MDGA2: variants seen among roughly 807,000 people sequenced by gnomAD.
MDGA2 encodes the protein MAM domain-containing glycosylphosphatidylinositol anchor protein 2.
MDGA2 carries 40 observed loss-of-function variants against 117.8 expected under a neutral mutation model. The ratio of observed to expected loss-of-function variants is 0.34; its 90% CI spans 0.26 to 0.44. MDGA2 has a LOEUF of 0.44. Ranked by LOEUF, MDGA2 falls within the 20% of genes least tolerant of loss-of-function variation. The pLI is 1.00. For synonymous variants in MDGA2, 452 were observed against 439.0 expected, an observed-to-expected ratio of 1.03 and a Z score of -0.37; for missense variants, 1,123 against 1,250.6, an observed-to-expected ratio of 0.90 and a Z score of 1.54.
rs529528755 is a variant in MDGA2, at chr14:47,240,999, G to C, written c.421-22804C>G. Among the ~76,000 whole-genome samples the C allele has an allele frequency of 4.0e-4, 61 of 151,972 alleles. 2 individuals are homozygous for C. The highest frequency in any genetic ancestry group is 1.4e-3 in the African/African-American group (59 of 41,514). ...GCACATGTGTGATTTTAGAAAATGG[G>C]TTATTTGAAGGAAACTTGCTCCAGA... On this transcript the variant is annotated intron_variant, in intron 2 of 16. Transcript: ENST00000399232.
intron 8 of MDGA2, among the ~76,000 whole-genome samples, chr14:46,998,598 G>T (rs1887387715): frequency 6.6e-6 from 1 of 151,900 alleles, no homozygotes; most frequent in Non-Finnish European, 1.5e-5. Context: ...AAAAGCTCGT[G>T]GAAAGTCTGA....
chr14:47,333,297 C>T (rs1890345381), intron 1 of MDGA2, among the ~76,000 whole-genome samples: 1 of 151,892 alleles, frequency 6.6e-6, no homozygotes, highest in Non-Finnish European at 1.5e-5. Flanking sequence ...GCAGCCTCAT[C>T]GACCTCTGTC....
chr14:47,638,760 A>G (rs768945136), intron 1 of MDGA2, among the ~76,000 whole-genome samples: 1 of 152,178 alleles, frequency 6.6e-6, no homozygotes, highest in Non-Finnish European at 1.5e-5. Context: ...TTAACCCTTT[A>G]TAGTCAAGTC....
At chr14:46,895,255 T>C (rs1159356115) in intron 10 of MDGA2, among the ~76,000 whole-genome samples, 1 of 152,094 alleles carries the variant, frequency 6.6e-6, no homozygotes, top group Non-Finnish European at 1.5e-5. Flanking sequence ...TGATAGTGAG[T>C]GAGTTCTCAC....
At chr14:47,147,352 A>G (rs536776680) in intron 3 of MDGA2, among the ~76,000 whole-genome samples, 2 of 152,272 alleles carry the variant, frequency 1.3e-5, no homozygotes, top group East Asian at 1.9e-4. Context: ...TATCTTACAG[A>G]TCAACACATA....
At chr14:46,851,282 A>C (rs1881045219) in intron 15 of MDGA2, among the ~76,000 whole-genome samples, 1 of 151,838 alleles carries the variant, frequency 6.6e-6, no homozygotes, top group South Asian at 2.1e-4. Context: ...TATACTATGA[A>C]AGAAGTAAAG....
chr14:47,560,581 T>C (rs759183427), intron 1 of MDGA2, among the ~76,000 whole-genome samples: 1 of 152,190 alleles, frequency 6.6e-6, no homozygotes, highest in Non-Finnish European at 1.5e-5. Context: ...ATTTGCTTTG[T>C]AAAGTTGCTT....
chr14:46,901,551 T>G (rs1883287020), intron 10 of MDGA2, among the ~76,000 whole-genome samples: 1 of 152,204 alleles, frequency 6.6e-6, no homozygotes. Context: ...ATTCATTTAT[T>G]CAGCAAATAT....
At chr14:47,289,771 C>T (rs1888816990) in intron 2 of MDGA2, among the ~76,000 whole-genome samples, 1 of 152,098 alleles carries the variant, frequency 6.6e-6, no homozygotes. Context: ...TGTAGTAAAA[C>T]AATGGTTCTG....
At chr14:47,318,801 G>A (rs72683848) in intron 1 of MDGA2, among the ~76,000 whole-genome samples, 13,591 of 146,358 alleles carry the variant, frequency 0.093, 755 homozygotes, top group Non-Finnish European at 0.11. Context: ...AGGGGGGAAA[G>A]GGAGGAAAGA....
chr14:47,282,050 G>GGAA (rs1566718348), intron 2 of MDGA2, among the ~76,000 whole-genome samples: 1 of 124,226 alleles, frequency 8.0e-6, no homozygotes. Context: ...TCCGTCTCGG[G>GGAA]AAAAAAAAAA....
At chr14:47,566,586 G>A (rs924019604) in intron 1 of MDGA2, among the ~76,000 whole-genome samples, 1 of 152,130 alleles carries the variant, frequency 6.6e-6, no homozygotes, top group East Asian at 1.9e-4. Context: ...CTTCCTGCCA[G>A]TTTCCCTCAA....
At chr14:47,653,768 T>A (rs548705567) in intron 1 of MDGA2, among the ~76,000 whole-genome samples, 3 of 151,648 alleles carry the variant, frequency 2.0e-5, no homozygotes, top group African/African-American at 7.3e-5. Flanking sequence ...AAGAGGAGAG[T>A]CAGAGGGAGA....
chr14:47,213,863 G>C (rs987040258), intron 3 of MDGA2, among the ~76,000 whole-genome samples: 1 of 152,076 alleles, frequency 6.6e-6, no homozygotes, highest in Non-Finnish European at 1.5e-5. Context: ...GCATGGTTGG[G>C]GCGACCTCAG....
chr14:47,175,918 A>T (rs1429822360), intron 3 of MDGA2, among the ~76,000 whole-genome samples: 1 of 152,232 alleles, frequency 6.6e-6, no homozygotes. Flanking sequence ...CTCAGCCCAA[A>T]ATCTCCTTAA....
chr14:47,520,508 A>G (rs1894847554), intron 1 of MDGA2, among the ~76,000 whole-genome samples: 1 of 152,200 alleles, frequency 6.6e-6, no homozygotes, highest in Admixed American at 6.5e-5. Context: ...AATCTATAAT[A>G]TGGACATTAA....
At chr14:47,522,801 C>A (rs1594898481) in intron 1 of MDGA2, among the ~76,000 whole-genome samples, 1 of 152,156 alleles carries the variant, frequency 6.6e-6, no homozygotes. Flanking sequence ...CATTAAGATG[C>A]CAGAATTTCA....
intron 6 of MDGA2, among the ~76,000 whole-genome samples, chr14:47,079,417 T>A (rs1283608517): frequency 6.6e-6 from 1 of 152,214 alleles, no homozygotes; most frequent in Non-Finnish European, 1.5e-5. Flanking sequence ...CATGGAATTA[T>A]ATTTTTGTTA....
At chr14:47,226,896 A>G (rs921880657) in intron 2 of MDGA2, among the ~76,000 whole-genome samples, 2 of 152,090 alleles carry the variant, frequency 1.3e-5, no homozygotes, top group African/African-American at 4.8e-5. Context: ...GTGCTATTAT[A>G]TACTGGGATC....
Sources: gnomAD v4.1 joint callset for allele counts (sites outside exome capture counted in the v4.1 genomes callset) on GRCh38, gnomAD v4.1.1 for gene constraint, MANE v1.5 for transcripts, NCBI Gene and HGNC (gene_info 2026-07-23, HGNC 2026-07-21) for gene names.